TRAPPC9: variants seen among roughly 807,000 people sequenced by gnomAD.
The protein encoded by TRAPPC9 is IKK2 binding protein.
Under a neutral mutation model 124.0 loss-of-function variants are expected in TRAPPC9, and 83 were observed. The ratio of observed to expected loss-of-function variants is 0.67; its 90% CI spans 0.56 to 0.80. TRAPPC9 has a LOEUF of 0.80. Ranked by LOEUF, TRAPPC9 falls within the 30% of genes least tolerant of loss-of-function variation. TRAPPC9 has a pLI of 0.00. For synonymous variants in TRAPPC9, 638 were observed against 617.5 expected (o/e 1.03, Z -0.49); for missense variants, 1,302 against 1,508.3 (o/e 0.86, Z 2.27).
At chr8:140,296,169 G>A (rs1002050430) in intron 11 of TRAPPC9, among the ~76,000 whole-genome samples, 2 of 152,198 alleles carry the variant, frequency 1.3e-5, no homozygotes, top group African/African-American at 4.8e-5. Context: ...GGCAGCATCA[G>A]CATCAAATAG....
intron 19 of TRAPPC9, among the ~76,000 whole-genome samples, chr8:139,981,252 C>T (rs912757857): frequency 1.3e-5 from 2 of 152,174 alleles, no homozygotes; most frequent in Admixed American, 6.5e-5. Flanking sequence ...AGTCCAGAGC[C>T]CAGGCTCTAT....
At chr8:139,877,940 C>T (rs1829434335) in intron 21 of TRAPPC9, among the ~76,000 whole-genome samples, 1 of 152,298 alleles carries the variant, frequency 6.6e-6, no homozygotes, top group South Asian at 2.1e-4. Flanking sequence ...CTTGCCAGTC[C>T]GAGCCACGCA....
At chr8:140,146,273 G>A (rs1587805005) in intron 17 of TRAPPC9, among the ~76,000 whole-genome samples, 1 of 152,346 alleles carries the variant, frequency 6.6e-6, no homozygotes, top group East Asian at 1.9e-4. Flanking sequence ...TATCTTCTCT[G>A]CCTGGTTCAG....
At chr8:139,856,527 A>G (rs1285070484) in intron 21 of TRAPPC9, among the ~76,000 whole-genome samples, 1 of 152,126 alleles carries the variant, frequency 6.6e-6, no homozygotes, top group Non-Finnish European at 1.5e-5. Flanking sequence ...GTGTGGGACA[A>G]TGTCCTCTCA....
At chr8:140,069,409 T>C (rs958807058) in intron 17 of TRAPPC9, among the ~76,000 whole-genome samples, 5 of 152,060 alleles carry the variant, frequency 3.3e-5, no homozygotes, top group African/African-American at 1.2e-4. Flanking sequence ...TTGGTGGGCA[T>C]GGGTAAGGCA....
At chr8:140,333,397 T>G (rs968999717) in intron 9 of TRAPPC9, among the ~76,000 whole-genome samples, 2 of 147,412 alleles carry the variant, frequency 1.4e-5, no homozygotes, top group Non-Finnish European at 2.9e-5. Context: ...TTGTTTTGTT[T>G]GTTGTTGTTG....
chr8:139,862,874 T>C (rs1828259773), intron 21 of TRAPPC9, among the ~76,000 whole-genome samples: 1 of 152,198 alleles, frequency 6.6e-6, no homozygotes, highest in Admixed American at 6.5e-5. Flanking sequence ...GCCTAGGTCA[T>C]TGTACAGACA....
intron 17 of TRAPPC9, among the ~76,000 whole-genome samples, chr8:140,073,930 T>C (rs1304167179): frequency 1.3e-5 from 2 of 152,222 alleles, no homozygotes; most frequent in Non-Finnish European, 2.9e-5. Context: ...GCCTTGCATG[T>C]TCACACCTGT....
intron 17 of TRAPPC9, among the ~76,000 whole-genome samples, chr8:140,192,038 A>C (rs4374968): frequency 0.083 from 12,602 of 152,212 alleles, 953 homozygotes; most frequent in African/African-American, 0.2. Flanking sequence ...ATATAGCAAA[A>C]ATTTGAAAAA....
intron 21 of TRAPPC9, among the ~76,000 whole-genome samples, chr8:139,852,191 A>C (rs554222606): frequency 9.2e-5 from 14 of 152,012 alleles, no homozygotes; most frequent in Non-Finnish European, 1.5e-5. Flanking sequence ...CTTGCCTTCC[A>C]CCACAATTGT....
intron 1 of TRAPPC9, among the ~76,000 whole-genome samples, chr8:140,454,735 T>C (rs1409041526): frequency 6.6e-6 from 1 of 150,874 alleles, no homozygotes; most frequent in Non-Finnish European, 1.5e-5. Flanking sequence ...GGTCAGGAGT[T>C]CGAGACCAGC....
chr8:140,009,035 T>C (rs1239740406), intron 18 of TRAPPC9, among the ~76,000 whole-genome samples: 1 of 152,250 alleles, frequency 6.6e-6, no homozygotes, highest in Admixed American at 6.5e-5. Context: ...TTTCTATTTT[T>C]AGTCATCTAA....
At chr8:140,186,980 GT>G (rs2062367104) in intron 17 of TRAPPC9, among the ~76,000 whole-genome samples, 1 of 152,072 alleles carries the variant, frequency 6.6e-6, no homozygotes, top group Non-Finnish European at 1.5e-5. Context: ...TGAGCATCAG[GT>G]CAACCACACC....
In TRAPPC9 at chr8:140,241,369, C is replaced by G. The variant is rs2063851628; in HGVS notation, c.2431+11408G>C. Among the ~76,000 whole-genome samples the G allele has an allele frequency of 6.6e-6, 1 of 152,068 alleles. No individual in the cohort carries two copies. The highest frequency in any genetic ancestry group is 6.5e-5 in the Admixed American group (1 of 15,268). On this transcript the variant is annotated intron_variant, in intron 16 of 22. Coordinates refer to ENST00000438773, the MANE Select transcript of TRAPPC9 (RefSeq NM_001160372.4). This position sits in a 1 kb window ranked among gnomAD's most constrained non-coding sequence, Gnocchi z 5.0. The stretch of plus-strand genomic sequence containing the variant: ...TGAGCTGAGATCACACCACTGCACT[C>G]CAGCCTGGGAGACAGAGTGAGACTC...
At chr8:139,904,176 G>A (rs538819992) in intron 20 of TRAPPC9, among the ~76,000 whole-genome samples, 6 of 152,180 alleles carry the variant, frequency 3.9e-5, no homozygotes, top group Admixed American at 6.5e-5. Flanking sequence ...CTCAATAAAC[G>A]GCTGTTGGAT....
At chr8:140,375,471 A>G (rs2068410144) in intron 7 of TRAPPC9, among the ~76,000 whole-genome samples, 1 of 152,206 alleles carries the variant, frequency 6.6e-6, no homozygotes, top group South Asian at 2.1e-4. Flanking sequence ...ATAAAGTGAC[A>G]AGATCAGAGG....
intron 5 of TRAPPC9, among the ~76,000 whole-genome samples, chr8:140,424,115 G>GTAAA (rs935386474): frequency 1.6e-4 from 25 of 151,572 alleles, no homozygotes; most frequent in African/African-American, 6.1e-4. Context: ...CTTTAAATAG[G>GTAAA]TAAACTGCAT....
chr8:140,025,102 G>T (rs1840062814), intron 17 of TRAPPC9, among the ~76,000 whole-genome samples: 1 of 152,204 alleles, frequency 6.6e-6, no homozygotes, highest in African/African-American at 2.4e-5. Context: ...GATGGCTGGG[G>T]ACCGAAGGGG....
chr8:140,105,935 T>G (rs372981067), intron 17 of TRAPPC9, among the ~76,000 whole-genome samples: 2 of 151,982 alleles, frequency 1.3e-5, no homozygotes, highest in African/African-American at 4.8e-5. Flanking sequence ...GTCTCTCATC[T>G]TTCCTTAAAA....
Sources: allele counts gnomAD v4.1 joint callset (sites outside exome capture counted in the v4.1 genomes callset), GRCh38; gene constraint gnomAD v4.1.1; non-coding constraint Gnocchi (gnomAD v3.1); transcripts MANE v1.5; gene names NCBI Gene and HGNC (gene_info 2026-07-23, HGNC 2026-07-21).